The following DISC1 variants were observed in gnomAD, a reference collection of about 807,000 sequenced individuals.
DISC1 encodes the protein disrupted in schizophrenia 1 protein.
A neutral mutation model predicts 84.5 loss-of-function variants in DISC1; 57 were observed. That is an observed-to-expected ratio of 0.67 (90% CI 0.55 to 0.84). DISC1 has a LOEUF of 0.84. DISC1 is among the 40% of genes least tolerant of loss of function. DISC1 has a pLI of 0.00. For missense variants in DISC1, 1,000 were observed against 1,057.8 expected, an observed-to-expected ratio of 0.95 and a Z score of 0.76; for synonymous variants, 411 against 415.2, an observed-to-expected ratio of 0.99 and a Z score of 0.12.
chr1:231,699,854 G>A (rs114146799), intron 2 of DISC1, among the ~76,000 whole-genome samples: 2,343 of 152,216 alleles, frequency 0.015, 68 homozygotes, highest in African/African-American at 0.054. Flanking sequence ...ATTCTCTACA[G>A]TTTTCCCTTA....
chr1:231,667,297 T>C (rs556722910), intron 1 of DISC1, among the ~76,000 whole-genome samples: 2 of 152,378 alleles, frequency 1.3e-5, no homozygotes, highest in South Asian at 2.1e-4. Context: ...CTTTACAGTC[T>C]GTCTGACTTC....
chr1:231,736,061 G>A (rs2072450555), intron 3 of DISC1, among the ~76,000 whole-genome samples: 1 of 152,180 alleles, frequency 6.6e-6, no homozygotes, highest in South Asian at 2.1e-4. Context: ...TGATGCTCCT[G>A]CCTTGGCCTC....
Position 232,009,125 on chromosome 1 carries a change from A to G in DISC1, c.2307+76A>G, listed in dbSNP as rs11122391. 0.021 allele frequency: 34,263 copies of G among 1,598,996 alleles called. 3,421 individuals carry two copies. In the African/African-American group the frequency reaches 0.28, roughly 13 times the overall value. On this transcript the variant is annotated intron_variant, in intron 11 of 12. Transcript: ENST00000439617. This position sits in a 1 kb window ranked among gnomAD's most constrained non-coding sequence, Gnocchi z 4.6. ...CTTTGGGACCATGCTCCAAATGGGA[A>G]CAATAAATATTGGGAAGGCTTCCCA...
intron 1 of DISC1, among the ~76,000 whole-genome samples, chr1:231,692,926 T>A (rs534589733): frequency 6.6e-6 from 1 of 152,370 alleles, no homozygotes; most frequent in Admixed American, 6.5e-5. Context: ...AGCAAAGTGC[T>A]ATGCAATCTA....
rs1273898408 is a variant in DISC1, at chr1:231,694,693, G to A, written c.935G>A (p.Cys312Tyr). Residue 312 changes from cysteine (C) to tyrosine (Y), a missense_variant, in exon 2 of 13, where the codon TGT becomes TAT. Physicochemically the swap from Cys to Tyr is radical, Grantham distance 194. This residue lies in a region of DISC1 where 311 missense variants were observed against 400.1 expected (regional missense o/e 0.78). Transcript: ENST00000439617. Reference sequence around the variant, plus strand: ...TCTCTGGATCCCTCACTGGCTGGCTGTGGTGGTGATGGGAGCAGCGGCTCA... The same window carrying A: ...TCTCTGGATCCCTCACTGGCTGGCTATGGTGGTGATGGGAGCAGCGGCTCA... ...SSSLDPSLAGCGGDGSSGSGD... is the reference protein window; with the variant it reads ...SSSLDPSLAGYGGDGSSGSGD... 2 of 1,614,118 alleles carry A rather than the reference G, an allele frequency of 1.2e-6. No homozygotes were observed. The highest frequency in any genetic ancestry group is 1.3e-5 in the African/African-American group (1 of 74,956).
intron 9 of DISC1, among the ~76,000 whole-genome samples, chr1:231,850,373 T>G (rs553230580): frequency 6.6e-6 from 1 of 152,252 alleles, no homozygotes; most frequent in Non-Finnish European, 1.5e-5. Flanking sequence ...GTAAATCTGT[T>G]GCCTTTTGAA....
intron 6 of DISC1, 131 bp downstream of exon 6, chr1:231,771,201 G>A: frequency 1.4e-6 from 2 of 1,452,070 alleles, no homozygotes; most frequent in Non-Finnish European, 1.8e-6. Context: ...AAGCACCATT[G>A]GTGTTTTGGG....
At chr1:231,998,763 T>C (rs1410201842) in intron 10 of DISC1, among the ~76,000 whole-genome samples, 2 of 152,186 alleles carry the variant, frequency 1.3e-5, no homozygotes, top group Non-Finnish European at 2.9e-5. Flanking sequence ...TCACAGAGTA[T>C]GCAAATAAAG....
At chr1:231,991,141 A>G (rs821653) in intron 10 of DISC1, among the ~76,000 whole-genome samples, 41,466 of 152,172 alleles carry the variant, frequency 0.27, 5,893 homozygotes, top group African/African-American at 0.29. Context: ...GCTGCACATA[A>G]TTATTGTCTC....
chr1:231,873,760 A>G lies in DISC1; in HGVS notation c.1981+55243A>G, dbSNP rs116094192. On this transcript the variant is annotated intron_variant, in intron 9 of 12. Coordinates refer to ENST00000439617, the MANE Select transcript of DISC1 (RefSeq NM_018662.3). ...GCCATGGGAGACTGACTCTAAGAAG[A>G]GAAAGTTGTCAGAGGGGTTCTGTGT... 2.1e-3 allele frequency among the ~76,000 whole-genome samples: 325 copies of G among 152,344 alleles called. 3 individuals carry two copies. Among genetic ancestry groups the G allele is most frequent in the African/African-American group, 7.3e-3 (302 of 41,582 alleles).
At chr1:231,843,348 G>T (rs2083217193) in intron 9 of DISC1, among the ~76,000 whole-genome samples, 1 of 152,138 alleles carries the variant, frequency 6.6e-6, no homozygotes, top group Non-Finnish European at 1.5e-5. Context: ...TTAGGCAGGG[G>T]CCAGGTGGGC....
intron 1 of DISC1, among the ~76,000 whole-genome samples, chr1:231,692,313 G>A (rs1477115425): frequency 6.6e-6 from 1 of 152,130 alleles, no homozygotes; most frequent in Non-Finnish European, 1.5e-5. Flanking sequence ...TTTGTACCCC[G>A]GGCAGCAATA....
intron 3 of DISC1, among the ~76,000 whole-genome samples, chr1:231,733,967 A>T (rs1381040904): frequency 6.7e-6 from 1 of 149,926 alleles, no homozygotes; most frequent in Non-Finnish European, 1.5e-5. Flanking sequence ...TGGGGGTAGT[A>T]GGAGTGGTGA....
At chr1:231,902,543 G>A (rs983779715) in intron 9 of DISC1, among the ~76,000 whole-genome samples, 1 of 151,972 alleles carries the variant, frequency 6.6e-6, no homozygotes, top group African/African-American at 2.4e-5. Flanking sequence ...TGAGGTTGCA[G>A]TGAGCCAAAT....
rs1005614880 is a variant in DISC1, at chr1:231,675,658, C to T, written c.68-18168C>T. 3.3e-5 allele frequency among the ~76,000 whole-genome samples: 5 copies of T among 152,184 alleles called. No homozygotes were observed. Among genetic ancestry groups the T allele is most frequent in the East Asian group, 1.9e-4 (1 of 5,156 alleles). Reference sequence around the variant, plus strand: ...GCTGTGAGGGACAGCCATGGAGGCCCATGTGCGCCATTGCCCTTATCCCTT... The same window carrying T: ...GCTGTGAGGGACAGCCATGGAGGCCTATGTGCGCCATTGCCCTTATCCCTT... On this transcript the variant is annotated intron_variant, in intron 1 of 12. Coordinates refer to ENST00000439617, the MANE Select transcript of DISC1 (RefSeq NM_018662.3). The surrounding 1 kb of genome is among the most constrained non-coding windows in gnomAD (Gnocchi z 4.1).
intron 9 of DISC1, among the ~76,000 whole-genome samples, chr1:231,943,494 C>T (rs2091458924): frequency 6.6e-6 from 1 of 152,134 alleles, no homozygotes; most frequent in East Asian, 1.9e-4. Context: ...GGATAGTAGC[C>T]CAGCATGTGA....
At chr1:231,912,997 T>A (rs1279732617) in intron 9 of DISC1, among the ~76,000 whole-genome samples, 1 of 151,228 alleles carries the variant, frequency 6.6e-6, no homozygotes, top group African/African-American at 2.4e-5. Context: ...AGCCTCCACC[T>A]CCCAGGCTCA....
intron 3 of DISC1, among the ~76,000 whole-genome samples, chr1:231,710,839 T>A (rs2067723760): frequency 6.6e-6 from 1 of 152,164 alleles, no homozygotes; most frequent in Non-Finnish European, 1.5e-5. Context: ...AATTCTGAGG[T>A]CCTGGGGGTT....
chr1:231,795,128 C>A, intron 6 of DISC1, 114 bp from the exon 7 acceptor site: 1 of 984,552 alleles, frequency 1.0e-6, no homozygotes, highest in Non-Finnish European at 1.6e-6. Context: ...TTTCCTCCTG[C>A]ACTTCTTCGT....
Sources: allele counts gnomAD v4.1 joint callset (sites outside exome capture counted in the v4.1 genomes callset), GRCh38; gene constraint gnomAD v4.1.1; regional missense constraint gnomAD v4.1.1; non-coding constraint Gnocchi (gnomAD v3.1); transcripts MANE v1.5; gene names NCBI Gene and HGNC (gene_info 2026-07-23, HGNC 2026-07-21).